PDZD2: variants seen among roughly 807,000 people sequenced by gnomAD.
The protein encoded by PDZD2 is PDZ domain containing 2.
PDZD2 carries 90 observed loss-of-function variants against 220.7 expected under a neutral mutation model. That is an observed-to-expected ratio of 0.41 (90% CI 0.34 to 0.49). The LOEUF (loss-of-function observed/expected upper bound fraction) is 0.49, where lower values mean the gene tolerates loss of function less well. PDZD2 is among the 20% of genes least tolerant of loss of function. The pLI is 0.28. For missense variants in PDZD2, 3,174 were observed against 3,608.5 expected (o/e 0.88, Z 3.08); for synonymous variants, 1,375 against 1,450.5 (o/e 0.95, Z 1.18).
chr5:32,008,354 G>C (rs7711650), intron 5 of PDZD2, among the ~76,000 whole-genome samples: 69,891 of 148,234 alleles, frequency 0.47, 20,150 homozygotes, highest in African/African-American at 0.82. Context: ...AGTCTCAGCT[G>C]ACTGCAACTT....
intron 1 of PDZD2, among the ~76,000 whole-genome samples, chr5:31,672,160 A>G (rs1004792661): frequency 6.6e-6 from 1 of 152,190 alleles, no homozygotes; most frequent in African/African-American, 2.4e-5. Context: ...CACCTCGAGA[A>G]CGACTGTCCT....
chr5:31,698,110 T>C (rs1747453561), intron 1 of PDZD2, among the ~76,000 whole-genome samples: 4 of 147,968 alleles, frequency 2.7e-5, no homozygotes, highest in African/African-American at 9.9e-5. Context: ...GGTTTCACCA[T>C]GTTGGCCAGG....
At chr5:31,743,167 ATTCTTTT>A (rs1301324082) in intron 1 of PDZD2, among the ~76,000 whole-genome samples, 1 of 150,980 alleles carries the variant, frequency 6.6e-6, no homozygotes, top group Non-Finnish European at 1.5e-5. Context: ...ATTAGGTTAT[ATTCTTTT>A]TTCTTTTTTT....
chr5:31,966,417 G>C (rs1373556610), intron 2 of PDZD2, among the ~76,000 whole-genome samples: 1 of 152,062 alleles, frequency 6.6e-6, no homozygotes, highest in East Asian at 1.9e-4. Context: ...AACAATTTAG[G>C]GTTTCCTTAA....
At chr5:31,640,491 A>G (rs928267191) in intron 1 of PDZD2, among the ~76,000 whole-genome samples, 7 of 152,246 alleles carry the variant, frequency 4.6e-5, no homozygotes, top group Non-Finnish European at 7.3e-5. Context: ...ACAAATCGCA[A>G]TGAAACTACT....
chr5:32,016,840 A>G (rs1753822997), intron 6 of PDZD2, among the ~76,000 whole-genome samples: 1 of 152,048 alleles, frequency 6.6e-6, no homozygotes, highest in South Asian at 2.1e-4. Context: ...AGTGTGCCCT[A>G]TGTTGTCTTC....
chr5:31,868,523 CAAT>C (rs1195218830), intron 2 of PDZD2, among the ~76,000 whole-genome samples: 1 of 152,108 alleles, frequency 6.6e-6, no homozygotes, highest in Non-Finnish European at 1.5e-5. Flanking sequence ...CTTTTCTCAA[CAAT>C]AAAGCAAGGA....
intron 1 of PDZD2, among the ~76,000 whole-genome samples, chr5:31,678,076 AT>A (rs1746509133): frequency 6.6e-6 from 1 of 152,238 alleles, no homozygotes; most frequent in Admixed American, 6.5e-5. Context: ...TTACATGTCA[AT>A]TATACATCAG....
intron 1 of PDZD2, among the ~76,000 whole-genome samples, chr5:31,669,391 G>A (rs1746124632): frequency 8.2e-6 from 1 of 122,224 alleles, no homozygotes; most frequent in African/African-American, 3.2e-5. Context: ...GACAGAGTGA[G>A]ACCCTGTCTC....
At chr5:32,093,136 AGGACTGCCTTG>A (rs1309353077) in intron 21 of PDZD2, 112 bp downstream of exon 21, 1 of 659,656 alleles carries the variant, frequency 1.5e-6, no homozygotes, top group Non-Finnish European at 2.7e-6. Flanking sequence ...CTGGAGAGGG[AGGACTGCCTTG>A]GGTTGCGAGT....
At position 31,799,585 on chromosome 5, in the gene PDZD2, G is replaced by A. The variant is rs759609312; in HGVS notation, c.337G>A (p.Val113Met). Residue 113 changes from valine to methionine, a missense_variant, in exon 2 of 25, where the codon GTG becomes ATG. By Grantham distance (21) the Val-to-Met change is conservative. Around this residue, in one of 4 missense-constraint regions of PDZD2, gnomAD observed 632 missense variants for 708.1 expected, o/e 0.89. Transcript: ENST00000438447. ...GAAGAGGAAAACCCACCAGGGTCCT[G>A]TGCTGGATGTGGGCTGCATCTGGGT... ...GKKRKTHQGP[V>M]LDVGCIWVTE... 8 of 1,614,084 alleles carry A rather than the reference G, an allele frequency of 5.0e-6. No homozygotes were observed. In the East Asian group the frequency reaches 1.1e-4, roughly 22 times the overall value.
At chr5:31,647,944 T>G (rs1009996204) in intron 1 of PDZD2, among the ~76,000 whole-genome samples, 8 of 152,184 alleles carry the variant, frequency 5.3e-5, no homozygotes, top group Non-Finnish European at 5.9e-5. Context: ...GGACCACTAC[T>G]CTCTTTTGCC....
intron 1 of PDZD2, among the ~76,000 whole-genome samples, chr5:31,753,628 C>T (rs1205379834): frequency 6.6e-6 from 1 of 151,730 alleles, no homozygotes; most frequent in African/African-American, 2.4e-5. Context: ...AACAAACAAA[C>T]AAACAAACAG....
intron 1 of PDZD2, among the ~76,000 whole-genome samples, chr5:31,763,392 T>C (rs1263534120): frequency 6.6e-6 from 1 of 152,136 alleles, no homozygotes; most frequent in Non-Finnish European, 1.5e-5. Flanking sequence ...GTGTGTGCAG[T>C]TTCTTGTTTA....
At chr5:32,067,608 C>T (rs10051082) in intron 14 of PDZD2, among the ~76,000 whole-genome samples, 28,613 of 151,960 alleles carry the variant, frequency 0.19, 3,039 homozygotes, top group African/African-American at 0.28. Flanking sequence ...GACAAATTGC[C>T]ATGCTTATCC....
chr5:32,014,698 G>C (rs1472927096), intron 6 of PDZD2, among the ~76,000 whole-genome samples: 1 of 123,986 alleles, frequency 8.1e-6, no homozygotes, highest in African/African-American at 4.1e-5. Context: ...GCTCTGCAAT[G>C]ACAATTTCTT....
chr5:31,986,097 AATT>A (rs1750696207), intron 3 of PDZD2, among the ~76,000 whole-genome samples: 1 of 151,006 alleles, frequency 6.6e-6, no homozygotes, highest in African/African-American at 2.4e-5. Flanking sequence ...AAAAAAAAAA[AATT>A]GAACTTCTGG....
intron 18 of PDZD2, among the ~76,000 whole-genome samples, chr5:32,076,998 A>G (rs191139893): frequency 3.9e-5 from 6 of 152,356 alleles, no homozygotes; most frequent in Non-Finnish European, 8.8e-5. Context: ...GTTAGGTAGA[A>G]GAAGAGAAAG....
At chr5:31,753,354 T>C (rs1751122069) in intron 1 of PDZD2, among the ~76,000 whole-genome samples, 1 of 152,180 alleles carries the variant, frequency 6.6e-6, no homozygotes, top group African/African-American at 2.4e-5. Context: ...GCCCCATTCA[T>C]TCATCTAAAG....
Sources: gnomAD v4.1 joint callset for allele counts (sites outside exome capture counted in the v4.1 genomes callset) on GRCh38, gnomAD v4.1.1 for gene constraint, gnomAD v4.1.1 regional missense constraint, MANE v1.5 for transcripts, NCBI Gene and HGNC (gene_info 2026-07-23, HGNC 2026-07-21) for gene names.